Variants in SPAG9 observed in about 807,000 individuals in gnomAD.
The protein encoded by SPAG9 is sperm associated antigen 9.
A neutral mutation model predicts 166.5 loss-of-function variants in SPAG9; 35 were observed. The observed-to-expected ratio is 0.21, with a 90% confidence interval of 0.16 to 0.28. SPAG9 has a LOEUF of 0.28. Among genes scored for constraint, SPAG9 ranks in the 10% least tolerant of loss-of-function variants. The pLI, the probability that SPAG9 is intolerant of heterozygous loss-of-function variation, is 1.00. For missense variants in SPAG9, 1,235 were observed against 1,603.3 expected (o/e 0.77, Z 3.92); for synonymous variants, 534 against 565.5 (o/e 0.94, Z 0.79).
At chr17:51,119,033 C>CAAAAAA (rs3079111) in intron 1 of SPAG9, among the ~76,000 whole-genome samples, 2 of 96,250 alleles carry the variant, frequency 2.1e-5, no homozygotes, top group East Asian at 2.8e-4. Context: ...GACTACGTCT[C>CAAAAAA]AAAAAAAAAA....
chr17:50,989,234 G>C (rs1196749167), intron 21 of SPAG9, among the ~76,000 whole-genome samples: 2 of 152,136 alleles, frequency 1.3e-5, no homozygotes, highest in African/African-American at 4.8e-5. Flanking sequence ...TTACCGTTAT[G>C]TTCCAATTAT....
intron 1 of SPAG9, among the ~76,000 whole-genome samples, chr17:51,083,218 GTTTTTCT>G (rs1196929539): frequency 1.3e-5 from 2 of 150,570 alleles, no homozygotes; most frequent in African/African-American, 4.9e-5. Flanking sequence ...GCTTGAGTTG[GTTTTTCT>G]TTTTTCTTTT....
intron 8 of SPAG9, among the ~76,000 whole-genome samples, chr17:51,019,556 C>CA (rs1035003167): frequency 4.7e-5 from 7 of 149,620 alleles, no homozygotes; most frequent in African/African-American, 1.5e-4. Context: ...GACTCCATCT[C>CA]AAAAAAATAA....
intron 1 of SPAG9, among the ~76,000 whole-genome samples, chr17:51,101,610 T>C (rs925600015): frequency 3.3e-5 from 5 of 152,084 alleles, no homozygotes; most frequent in East Asian, 3.9e-4. Flanking sequence ...TATACCATAA[T>C]AGTCCTTTTT....
At chr17:51,088,818 G>A (rs2048367905) in intron 1 of SPAG9, among the ~76,000 whole-genome samples, 1 of 151,520 alleles carries the variant, frequency 6.6e-6, no homozygotes, top group African/African-American at 2.4e-5. Flanking sequence ...ATGGGAGGTG[G>A]GCACAGTTGC....
At position 51,092,153 on chromosome 17, in the gene SPAG9, T is replaced by C. The variant is rs2048483895; in HGVS notation, c.304-12449A>G. Reference sequence around the variant, plus strand: ...CTGGCTTATTAAGTGTCCATCAAGATATTATATTAATTAGTTAAATGTAAT... The same window carrying C: ...CTGGCTTATTAAGTGTCCATCAAGACATTATATTAATTAGTTAAATGTAAT... On this transcript the variant is annotated intron_variant, in intron 1 of 29. Transcript: ENST00000262013. Among the ~76,000 whole-genome samples, 3 of 152,088 alleles carry C rather than the reference T, an allele frequency of 2.0e-5. No homozygotes were observed. The South Asian group carries it at 6.2e-4, about 31-fold the overall frequency.
intron 2 of SPAG9, among the ~76,000 whole-genome samples, chr17:51,063,624 C>G (rs563095542): frequency 4.1e-4 from 63 of 152,248 alleles, no homozygotes; most frequent in Non-Finnish European, 6.9e-4. Context: ...TGGCTCACAC[C>G]TGTAATCCCA....
At position 50,982,667 on chromosome 17, in the gene SPAG9, GCCCATCTTT is replaced by G. The variant is rs1425264608; in HGVS notation, c.3089-4_3093del. On this transcript the variant is annotated splice_acceptor_variant and splice_polypyrimidine_tract_variant and coding_sequence_variant and intron_variant, in exon 25 of 30. Coordinates refer to ENST00000262013, the MANE Select transcript of SPAG9 (RefSeq NM_001130528.3). LOFTEE classifies it high-confidence loss of function. ...AGGTGATAGTTTGACAAATCCCACTGCCCATCTTTAAAAAAAATAAAAGGTTATAGTAAA... is the reference window on the plus strand; with the variant it reads ...AGGTGATAGTTTGACAAATCCCACTGAAAAAAAATAAAAGGTTATAGTAAA... 1.3e-6 allele frequency: 2 copies of G among 1,599,936 alleles called. No individual in the cohort carries two copies. Among genetic ancestry groups the G allele is most frequent in the Admixed American group, 1.8e-5 (1 of 55,344 alleles).
chr17:51,094,321 A>T (rs1184326221), intron 1 of SPAG9, among the ~76,000 whole-genome samples: 1 of 152,230 alleles, frequency 6.6e-6, no homozygotes, highest in African/African-American at 2.4e-5. Flanking sequence ...AACCAAAACT[A>T]TAAGAAATAA....
At chr17:51,002,612 GCCAGGAGTGGTGGCACACACCTGTAGTC>G (rs1436386106) in intron 12 of SPAG9, among the ~76,000 whole-genome samples, 1 of 151,708 alleles carries the variant, frequency 6.6e-6, no homozygotes, top group Admixed American at 6.6e-5. Flanking sequence ...AAACCCTGTA[GCCAGGAGTGGTGGCACACACCTGTAGTC>G]CCAGCTACTT....
chr17:51,025,698 C>G (rs1246747531), intron 6 of SPAG9, among the ~76,000 whole-genome samples: 1 of 152,110 alleles, frequency 6.6e-6, no homozygotes, highest in African/African-American at 2.4e-5. Flanking sequence ...TGAGATCAGC[C>G]TGGGAAACCT....
intron 1 of SPAG9, among the ~76,000 whole-genome samples, chr17:51,088,107 A>G (rs2048349469): frequency 6.6e-6 from 1 of 152,158 alleles, no homozygotes; most frequent in Non-Finnish European, 1.5e-5. Context: ...TTCTACTTCT[A>G]TAATTTCCAC....
Position 50,995,481 on chromosome 17 carries a change from T to A in SPAG9, c.2021A>T (p.Tyr674Phe). ...NKMKNLPVPV[Y>F]LRPLDEKDTS... ...ATCTTTTTCATCCAGAGGTCTGAGA[T>A]AGACAGGCACAGGTAAATTTTTCAT... The change falls in exon 17 of 30, where the codon TAT becomes TTT. Residue 674 changes from tyrosine to phenylalanine, a missense_variant. By Grantham distance (22) the Tyr-to-Phe change is conservative. Around this residue, in one of 6 missense-constraint regions of SPAG9, gnomAD observed 493 missense variants for 559.4 expected, o/e 0.88. Coordinates refer to ENST00000262013, the MANE Select transcript of SPAG9 (RefSeq NM_001130528.3). 6.2e-7 allele frequency: 1 copy of A among 1,611,632 alleles called. No homozygotes were observed. The highest frequency in any genetic ancestry group is 8.5e-7 in the Non-Finnish European group (1 of 1,177,796).
intron 3 of SPAG9, among the ~76,000 whole-genome samples, chr17:51,050,656 C>T (rs1485147015): frequency 2.7e-5 from 4 of 149,710 alleles, no homozygotes. Flanking sequence ...TATAAACACA[C>T]AAAAAAGAAC....
At chr17:51,071,961 C>T (rs2047831419) in intron 2 of SPAG9, among the ~76,000 whole-genome samples, 1 of 152,206 alleles carries the variant, frequency 6.6e-6, no homozygotes, top group African/African-American at 2.4e-5. Flanking sequence ...AAAAAAATTG[C>T]ATCCACCTCT....
At chr17:51,043,354 G>A (rs953236373) in intron 4 of SPAG9, among the ~76,000 whole-genome samples, 5 of 152,074 alleles carry the variant, frequency 3.3e-5, no homozygotes, top group African/African-American at 9.7e-5. Context: ...AAAAAGAGGC[G>A]TTATTTATTA....
At chr17:51,119,967 C>T (rs2049424097) in intron 1 of SPAG9, among the ~76,000 whole-genome samples, 1 of 152,174 alleles carries the variant, frequency 6.6e-6, no homozygotes, top group South Asian at 2.1e-4. Context: ...CAGAAGTGTC[C>T]CCCTCCCCAA....
intron 6 of SPAG9, among the ~76,000 whole-genome samples, chr17:51,029,736 A>G (rs1193176739): frequency 6.6e-6 from 1 of 152,228 alleles, no homozygotes; most frequent in Non-Finnish European, 1.5e-5. Context: ...AGAAACATAA[A>G]GTAAAATGGT....
intron 29 of SPAG9, among the ~76,000 whole-genome samples, chr17:50,968,537 C>T (rs939238544): frequency 3.3e-5 from 5 of 152,038 alleles, no homozygotes; most frequent in African/African-American, 1.2e-4. Flanking sequence ...TCGAGACCAG[C>T]CTGGCCAACA....
Sources: gnomAD v4.1 joint callset for allele counts (sites outside exome capture counted in the v4.1 genomes callset) on GRCh38, gnomAD v4.1.1 for gene constraint, gnomAD v4.1.1 regional missense constraint, MANE v1.5 for transcripts, NCBI Gene and HGNC (gene_info 2026-07-23, HGNC 2026-07-21) for gene names.